The following TRAPPC9 variants were observed in gnomAD, a reference collection of about 807,000 sequenced individuals.
TRAPPC9 encodes IKK2 binding protein.
TRAPPC9 carries 83 observed loss-of-function variants against 124.0 expected under a neutral mutation model. The observed-to-expected ratio is 0.67, with a 90% CI of 0.56 to 0.80. TRAPPC9 has a LOEUF of 0.80. Ranked by LOEUF, TRAPPC9 falls within the 30% of genes least tolerant of loss-of-function variation. The pLI, the probability that TRAPPC9 is intolerant of heterozygous loss-of-function variation, is 0.00. For synonymous variants in TRAPPC9, 638 were observed against 617.5 expected (o/e 1.03, Z -0.49); for missense variants, 1,302 against 1,508.3 (o/e 0.86, Z 2.27).
intron 17 of TRAPPC9, among the ~76,000 whole-genome samples, chr8:140,206,756 C>CATAT (rs150660269): frequency 0.019 from 2,755 of 145,868 alleles, 86 homozygotes; most frequent in African/African-American, 0.067. Context: ...CATATACATA[C>CATAT]ATATATATAT....
rs73366277 is a variant in TRAPPC9 at position 139,897,085 on chromosome 8, G to A, written c.2965-11116C>T. On this transcript the variant is annotated intron_variant, in intron 20 of 22. Transcript: ENST00000438773. ...GTGCCTGAGCCCTAAGAAGACCCACGTCCCAGCCCAGCTCATGTTCTCATA... is the reference window on the plus strand; with the variant it reads ...GTGCCTGAGCCCTAAGAAGACCCACATCCCAGCCCAGCTCATGTTCTCATA... Among the ~76,000 whole-genome samples, 843 of 152,228 alleles carry A rather than the reference G, an allele frequency of 5.5e-3. 4 individuals are homozygous for A. Among genetic ancestry groups the A allele is most frequent in the African/African-American group, 0.019 (770 of 41,532 alleles).
At chr8:139,747,755 G>A (rs1364210632) in intron 21 of TRAPPC9, among the ~76,000 whole-genome samples, 16 of 78,462 alleles carry the variant, frequency 2.0e-4, no homozygotes, top group African/African-American at 5.5e-4. Context: ...AAGATGCAGG[G>A]GGTATACACA....
intron 9 of TRAPPC9, among the ~76,000 whole-genome samples, chr8:140,349,451 G>A (rs1272727911): frequency 2.0e-5 from 3 of 150,522 alleles, no homozygotes. Context: ...GCGAGGGAAG[G>A]GCACACAGGG....
At chr8:140,011,741 G>A (rs1488106538) in intron 18 of TRAPPC9, among the ~76,000 whole-genome samples, 17 of 132,374 alleles carry the variant, frequency 1.3e-4, no homozygotes, top group African/African-American at 4.3e-4. Context: ...GCAATGGCAC[G>A]ATCTCGGCTC....
chr8:139,877,050 A>G (rs898169871), intron 21 of TRAPPC9, among the ~76,000 whole-genome samples: 2 of 152,224 alleles, frequency 1.3e-5, no homozygotes, highest in Non-Finnish European at 2.9e-5. Context: ...ACTGGAGCTC[A>G]CGGTGGGATT....
intron 17 of TRAPPC9, among the ~76,000 whole-genome samples, chr8:140,151,700 G>A (rs200182581): frequency 3.3e-5 from 5 of 152,158 alleles, no homozygotes; most frequent in Non-Finnish European, 5.9e-5. Flanking sequence ...ACAGGAATGC[G>A]GTGGGAATGT....
intron 17 of TRAPPC9, among the ~76,000 whole-genome samples, chr8:140,037,910 A>ACACACACCCC (rs991517273): frequency 2.3e-5 from 3 of 129,234 alleles, no homozygotes; most frequent in African/African-American, 7.9e-5. Flanking sequence ...ACACACACAC[A>ACACACACCCC]CCCCAGAGCT....
chr8:140,234,224 A>G (rs527301038), intron 16 of TRAPPC9, among the ~76,000 whole-genome samples: 16 of 152,316 alleles, frequency 1.1e-4, no homozygotes, highest in African/African-American at 3.8e-4. Flanking sequence ...CACGCTCTTC[A>G]TGAGAATCTA....
At chr8:140,450,712 C>G (rs2071422891) in intron 2 of TRAPPC9, 78 bp downstream of exon 2, 1 of 1,114,154 alleles carries the variant, frequency 9.0e-7, no homozygotes, top group Non-Finnish European at 1.3e-6. Flanking sequence ...CTACTCCTTG[C>G]TGCAATGAAA....
intron 17 of TRAPPC9, among the ~76,000 whole-genome samples, chr8:140,186,025 G>A (rs1188102353): frequency 2.0e-5 from 3 of 152,256 alleles, no homozygotes; most frequent in East Asian, 1.9e-4. Context: ...TGTCTGTGAC[G>A]CTGGGGTATT....
chr8:140,456,931 A>T (rs2132747755), intron 1 of TRAPPC9: 99 of 593,016 alleles, frequency 1.7e-4, no homozygotes, highest in Non-Finnish European at 1.9e-4. Context: ...GCAGGGGTGG[A>T]GGGGATTGGG....
chr8:140,166,041 A>C (rs2061831885), intron 17 of TRAPPC9, among the ~76,000 whole-genome samples: 1 of 152,176 alleles, frequency 6.6e-6, no homozygotes, highest in Non-Finnish European at 1.5e-5. Flanking sequence ...CCCCGCCTGC[A>C]TGCACCGCAG....
chr8:139,883,856 G>A (rs1829836723), intron 21 of TRAPPC9, among the ~76,000 whole-genome samples: 1 of 152,186 alleles, frequency 6.6e-6, no homozygotes, highest in Admixed American at 6.5e-5. Flanking sequence ...GCAAGTGCCA[G>A]CCTCTGAGCC....
chr8:140,164,721 G>A (rs531871348), intron 17 of TRAPPC9, among the ~76,000 whole-genome samples: 49 of 152,238 alleles, frequency 3.2e-4, no homozygotes, highest in African/African-American at 9.9e-4. Context: ...GTGGAACTCC[G>A]CATGGGCCTG....
At chr8:140,357,163 G>A (rs543611807) in intron 9 of TRAPPC9, among the ~76,000 whole-genome samples, 1 of 152,288 alleles carries the variant, frequency 6.6e-6, no homozygotes, top group Non-Finnish European at 1.5e-5. Flanking sequence ...AGAGAGCAGA[G>A]GCCCAGAGTC....
In TRAPPC9 at chr8:139,745,468, A is replaced by G. The variant is rs147003755; in HGVS notation, c.3056-13266T>C. On this transcript the variant is annotated intron_variant, in intron 21 of 22. Transcript: ENST00000438773. Reference sequence around the variant, plus strand: ...TGAGAAAGGAGTTGTGGGTTAATCCAGGCCATGCACTTGCAGCGGCTCCAG... The same window carrying G: ...TGAGAAAGGAGTTGTGGGTTAATCCGGGCCATGCACTTGCAGCGGCTCCAG... Among the ~76,000 whole-genome samples the G allele has an allele frequency of 2.6e-3, 397 of 152,382 alleles. 2 individuals are homozygous for G. The highest frequency in any genetic ancestry group is 9.1e-3 in the African/African-American group (377 of 41,590).
At chr8:140,424,345 A>C (rs1423258450) in intron 5 of TRAPPC9, among the ~76,000 whole-genome samples, 1 of 151,952 alleles carries the variant, frequency 6.6e-6, no homozygotes, top group Non-Finnish European at 1.5e-5. Flanking sequence ...TTTAGAAATT[A>C]AATTAAAAAA....
intron 17 of TRAPPC9, among the ~76,000 whole-genome samples, chr8:140,164,405 A>G (rs1011343743): frequency 2.6e-5 from 4 of 152,172 alleles, no homozygotes; most frequent in Admixed American, 1.3e-4. Context: ...TTAATCGTGT[A>G]TATCTTTTCT....
chr8:140,429,171 T>C (rs921705027), intron 4 of TRAPPC9, among the ~76,000 whole-genome samples: 1 of 151,906 alleles, frequency 6.6e-6, no homozygotes, highest in African/African-American at 2.4e-5. Context: ...AACCTCCGCT[T>C]CCCGGGTTCA....
Sources: gnomAD v4.1 joint callset for allele counts (sites outside exome capture counted in the v4.1 genomes callset) on GRCh38, gnomAD v4.1.1 for gene constraint, MANE v1.5 for transcripts, NCBI Gene and HGNC (gene_info 2026-07-23, HGNC 2026-07-21) for gene names.